Variants in DEK observed in about 807,000 individuals in gnomAD.
DEK encodes the protein protein DEK.
In DEK, 28 loss-of-function variants were observed where a neutral mutation model predicts 46.8. That is an observed-to-expected ratio of 0.60 (90% CI 0.44 to 0.82). The LOEUF is 0.82. Among genes scored for constraint, DEK ranks in the 40% least tolerant of loss-of-function variants. The pLI is 0.00. For synonymous variants in DEK, 160 were observed against 144.5 expected (o/e 1.11, Z -0.77); for missense variants, 416 against 430.6 (o/e 0.97, Z 0.30).
chr6:18,231,616 A>T (rs1217538028), intron 9 of DEK, among the ~76,000 whole-genome samples: 2 of 152,240 alleles, frequency 1.3e-5, no homozygotes, highest in Admixed American at 1.3e-4. Context: ...GAAAATCTAG[A>T]TGAAATGGAT....
At chr6:18,245,532 C>A (rs780960283) in intron 7 of DEK, among the ~76,000 whole-genome samples, 4 of 151,194 alleles carry the variant, frequency 2.6e-5, no homozygotes, top group African/African-American at 4.8e-5. Context: ...GATACGTATG[C>A]GCTATAAAAA....
chr6:18,258,560 A>C (rs925831876), intron 2 of DEK, among the ~76,000 whole-genome samples, 155 bp from the exon 3 acceptor site: 1 of 152,174 alleles, frequency 6.6e-6, no homozygotes, highest in African/African-American at 2.4e-5. Flanking sequence ...AGAGGAAAAC[A>C]CTTGATTAAT....
intron 9 of DEK, among the ~76,000 whole-genome samples, chr6:18,227,418 G>C (rs1457550216): frequency 6.6e-6 from 1 of 152,090 alleles, no homozygotes; most frequent in Non-Finnish European, 1.5e-5. Context: ...TCTTTACCTT[G>C]ACTATGATGC....
chr6:18,250,548 C>A (rs542825066), intron 6 of DEK, among the ~76,000 whole-genome samples: 2 of 140,782 alleles, frequency 1.4e-5, no homozygotes, highest in African/African-American at 5.3e-5. Flanking sequence ...ACACTCCAAT[C>A]GAAGGAATGG....
At chr6:18,262,283 T>C (rs1171450752) in intron 2 of DEK, among the ~76,000 whole-genome samples, 2 of 150,874 alleles carry the variant, frequency 1.3e-5, no homozygotes, top group East Asian at 1.9e-4. Context: ...AAGTGTTTCT[T>C]TATAGTAACG....
intron 6 of DEK, among the ~76,000 whole-genome samples, 181 bp downstream of exon 6, chr6:18,255,550 C>A (rs190084609): frequency 2.2e-3 from 341 of 152,294 alleles, no homozygotes; most frequent in Non-Finnish European, 3.8e-3. Context: ...AAGCAACATA[C>A]CCCTATGGCA....
rs1279302727 is a variant in DEK at position 18,224,057 on chromosome 6, G to C, written c.*1662C>G. ...GAAAATGGTCCATTACCACAAAAGAGTATTCCAAATTGTATAGGTTATAGG... is the reference window on the plus strand; with the variant it reads ...GAAAATGGTCCATTACCACAAAAGACTATTCCAAATTGTATAGGTTATAGG... On this transcript the variant is annotated 3_prime_UTR_variant, in exon 11 of 11. Transcript: ENST00000652689. 1 of 158,344 alleles carries C rather than the reference G, an allele frequency of 6.3e-6. No individual in the cohort carries two copies. Among genetic ancestry groups the C allele is most frequent in the Non-Finnish European group, 1.4e-5 (1 of 71,762 alleles). 9.8% of individuals were successfully genotyped at this position (158,344 alleles called of 1,614,324 possible). A position where few individuals can be genotyped will look rare whatever the true frequency, so the allele number is the denominator to read the frequency against.
At chr6:18,250,917 A>C (rs918596582) in intron 6 of DEK, among the ~76,000 whole-genome samples, 6 of 152,210 alleles carry the variant, frequency 3.9e-5, no homozygotes, top group Non-Finnish European at 8.8e-5. Context: ...ATTATCACTG[A>C]TGCCTATAAG....
At chr6:18,243,391 G>C (rs1790984697) in intron 7 of DEK, among the ~76,000 whole-genome samples, 1 of 151,936 alleles carries the variant, frequency 6.6e-6, no homozygotes, top group Non-Finnish European at 1.5e-5. Flanking sequence ...GAATGAGTGA[G>C]AATAATGAAC....
chr6:18,252,685 T>G (rs1044521594), intron 6 of DEK, among the ~76,000 whole-genome samples: 4 of 152,166 alleles, frequency 2.6e-5, no homozygotes, highest in Admixed American at 2.6e-4. Flanking sequence ...TCCTGAGACC[T>G]TTTTCGGAGT....
At chr6:18,259,088 T>C (rs1791725563) in intron 2 of DEK, among the ~76,000 whole-genome samples, 1 of 151,924 alleles carries the variant, frequency 6.6e-6, no homozygotes, top group African/African-American at 2.4e-5. Flanking sequence ...CCCAGCACTT[T>C]GGGAGGCTGA....
intron 6 of DEK, among the ~76,000 whole-genome samples, chr6:18,255,313 T>C (rs1369016317): frequency 1.3e-5 from 2 of 152,246 alleles, no homozygotes; most frequent in African/African-American, 4.8e-5. Flanking sequence ...TTTAATACTT[T>C]ATTCCAGGAT....
In DEK at chr6:18,255,922, G is replaced by C. The variant is rs535384902; in HGVS notation, c.453-71C>G. On this transcript the variant is annotated intron_variant, in intron 5 of 10. Transcript: ENST00000652689. ...TTACATATGTTCTCCACAATATAAA[G>C]GGAAAGCCAACCAAATTGGCTCAGT... The C allele has an allele frequency of 5.9e-4, 889 of 1,509,146 alleles. 1 individual carries two copies. Among genetic ancestry groups the C allele is most frequent in the Non-Finnish European group, 6.8e-4 (776 of 1,139,568 alleles). The allele number at this position is 1,509,146 out of a possible 1,614,324, so 93.5% of individuals were successfully genotyped here. A position where few individuals can be genotyped will look rare whatever the true frequency, so the allele number is the denominator to read the frequency against.
At chr6:18,234,420 C>G (rs1790562227) in intron 9 of DEK, among the ~76,000 whole-genome samples, 1 of 152,128 alleles carries the variant, frequency 6.6e-6, no homozygotes, top group Non-Finnish European at 1.5e-5. Context: ...TCTAACCACT[C>G]ATTTTTCTAT....
chr6:18,225,779 CCCATTTTTT>C (rs759058993), intron 10 of DEK, 49 bp from the exon 11 acceptor site: 22 of 1,602,172 alleles, frequency 1.4e-5, no homozygotes, highest in Admixed American at 8.5e-5. Flanking sequence ...AAACCTTTAT[CCCATTTTTT>C]CCACATCTAT....
intron 9 of DEK, among the ~76,000 whole-genome samples, chr6:18,230,817 G>C (rs1452600663): frequency 6.6e-6 from 1 of 152,150 alleles, no homozygotes; most frequent in Non-Finnish European, 1.5e-5. Flanking sequence ...AGTCAGATCA[G>C]TGAGACAGAA....
At chr6:18,243,669 T>C (rs1208442728) in intron 7 of DEK, among the ~76,000 whole-genome samples, 1 of 152,210 alleles carries the variant, frequency 6.6e-6, no homozygotes, top group Non-Finnish European at 1.5e-5. Context: ...CATGAAGATT[T>C]TCCTTCTTTA....
intron 9 of DEK, 42 bp downstream of exon 9, chr6:18,236,410 T>C (rs1393943484): frequency 6.3e-7 from 1 of 1,589,656 alleles, no homozygotes. Flanking sequence ...TGAAAGAATT[T>C]TTCTAGCAAA....
intron 6 of DEK, among the ~76,000 whole-genome samples, chr6:18,251,001 C>T (rs930221726): frequency 6.6e-6 from 1 of 151,868 alleles, no homozygotes; most frequent in Non-Finnish European, 1.5e-5. Flanking sequence ...TCAATTAAAC[C>T]ATGTATATTA....
Sources: gnomAD v4.1 joint callset for allele counts (sites outside exome capture counted in the v4.1 genomes callset) on GRCh38, gnomAD v4.1.1 for gene constraint, MANE v1.5 for transcripts, NCBI Gene and HGNC (gene_info 2026-07-23, HGNC 2026-07-21) for gene names.